Variants in KRT8 observed in about 807,000 individuals in gnomAD.
KRT8 encodes the protein keratin 8, also known as keratin, type II cytoskeletal 8.
Under a neutral mutation model 43.0 loss-of-function variants are expected in KRT8, and 24 were observed. The ratio of observed to expected loss-of-function variants is 0.56; its 90% CI spans 0.40 to 0.78. The LOEUF (loss-of-function observed/expected upper bound fraction) is 0.78. KRT8 is among the 30% of genes least tolerant of loss of function. The probability of loss-of-function intolerance (pLI) is 0.00; values close to 1 mark genes in which losing one functional copy is unlikely to be tolerated. For synonymous variants in KRT8, 214 were observed against 261.2 expected (o/e 0.82, Z 1.74); for missense variants, 492 against 638.4 (o/e 0.77, Z 2.47).
At chr12:52,910,540 G>A (rs1241541898), upstream of KRT8, among the ~76,000 whole-genome samples, 3 of 152,230 alleles carry the variant, frequency 2.0e-5, no homozygotes, top group African/African-American at 4.8e-5. Flanking sequence ...CAGAGACTGC[G>A]AGAGGACAGA....
chr12:52,915,344 A>C (rs1271820054), intron 2 of KRT8, among the ~76,000 whole-genome samples: 1 of 151,178 alleles, frequency 6.6e-6, no homozygotes, highest in Admixed American at 6.6e-5. Flanking sequence ...ACTGCACTCC[A>C]GCTTGGGCAA....
chr12:52,939,484 G>A (rs1490158136), intron 2 of KRT8, among the ~76,000 whole-genome samples: 1 of 151,550 alleles, frequency 6.6e-6, no homozygotes, highest in Non-Finnish European at 1.5e-5. Flanking sequence ...GCACTTTAAG[G>A]CTGAGGCAGG....
Position 52,935,378 on chromosome 12 carries a change from C to CAAAAAA in KRT8, c.-47+14072_-47+14077dup, listed in dbSNP as rs71092794. ...TGGGTGACAGAGCAAGACTCTGTCTCAAAAAAAAAAAAAAAAAAAAAAAAA... is the reference window on the plus strand; with the variant it reads ...TGGGTGACAGAGCAAGACTCTGTCTCAAAAAAAAAAAAAAAAAAAAAAAAAAAAAAA... On this transcript the variant is annotated intron_variant, in intron 2 of 6. Transcript: ENST00000546826. Among the ~76,000 whole-genome samples the CAAAAAA allele has an allele frequency of 8.8e-4, 21 of 23,746 alleles. 3 individuals carry two copies. The highest frequency in any genetic ancestry group is 5.4e-3 in the East Asian group (2 of 372). The allele number at this position is 23,746 out of a possible 152,430, so 15.6% of individuals were successfully genotyped here. A position where few individuals can be genotyped will look rare whatever the true frequency, so the allele number is the denominator to read the frequency against.
chr12:52,897,191 T>C (rs73296024), exon 8 of KRT8: 432 of 596,460 alleles, frequency 7.2e-4, no homozygotes, highest in African/African-American at 6.9e-3. Flanking sequence ...AGCAAGGACA[T>C]TGGCAGAGCT....
chr12:52,908,260 C>G (rs975513525), upstream of KRT8, among the ~76,000 whole-genome samples: 10 of 152,028 alleles, frequency 6.6e-5, no homozygotes, highest in African/African-American at 2.4e-4. Context: ...GAGTCTCGCT[C>G]TGTCACCCAG....
chr12:52,945,813 C>T lies in KRT8; in HGVS notation c.-47+3643G>A, dbSNP rs567589401. On this transcript the variant is annotated intron_variant, in intron 2 of 6. Coordinates refer to the KRT8 transcript ENST00000546826. ...TGTTCTGGGAGCTTCTCACCAGGGC[C>T]CCTCCTGCTCCACCCTTTCCCGGGA... Among the ~76,000 whole-genome samples, 3 of 152,100 alleles carry T rather than the reference C, an allele frequency of 2.0e-5. No homozygotes were observed. In the South Asian group the frequency reaches 6.2e-4, roughly 31 times the overall value.
At chr12:52,900,727 C>A in intron 3 of KRT8, 44 bp from the exon 4 acceptor site, 1 of 1,379,212 alleles carries the variant, frequency 7.3e-7, no homozygotes. Context: ...TTTCCACACC[C>A]AACCCCAACC....
chr12:52,902,619 AC>A (rs1373498766), intron 1 of KRT8, among the ~76,000 whole-genome samples: 1 of 152,014 alleles, frequency 6.6e-6, no homozygotes, highest in East Asian at 2.0e-4. Flanking sequence ...CGAACTCCTG[AC>A]CTTGTGATTG....
chr12:52,898,405 T>A lies in KRT8; in HGVS notation c.1261+56A>T. On this transcript the variant is annotated intron_variant, in intron 7 of 7. Coordinates refer to ENST00000692008, the Ensembl canonical transcript of KRT8. ...CTGAGCACAGCCCCCTCCCTGGAGCTGAGGCCTCCCTGGGCCCTGCCTCCC... is the reference window on the plus strand; with the variant it reads ...CTGAGCACAGCCCCCTCCCTGGAGCAGAGGCCTCCCTGGGCCCTGCCTCCC... 2.7e-6 allele frequency: 4 copies of A among 1,489,586 alleles called. No homozygotes were observed. In the South Asian group the frequency reaches 3.5e-5, roughly 13 times the overall value. The allele number at this position is 1,489,586 out of a possible 1,614,324, so 92.3% of individuals were successfully genotyped here.
At chr12:52,938,170 A>ATTTTT (rs780140219) in intron 2 of KRT8, among the ~76,000 whole-genome samples, 11 of 30,298 alleles carry the variant, frequency 3.6e-4, no homozygotes, top group African/African-American at 4.3e-4. Context: ...ATATATATAT[A>ATTTTT]TTTTTTTTTT....
chr12:52,899,545 A>G (rs992890131), intron 5 of KRT8, among the ~76,000 whole-genome samples: 16 of 152,014 alleles, frequency 1.1e-4, no homozygotes, highest in Non-Finnish European at 4.4e-5. Context: ...ACGAGCCCCA[A>G]CATACCTGCC....
At position 52,933,893 on chromosome 12, in the gene KRT8, A is replaced by G. The variant is rs77105522; in HGVS notation, c.-47+15563T>C. ...ACCCATCTCAGCCTCCCAAAGTGCT[A>G]GGATTTTAGGCGTGAGCCACCTCGC... On this transcript the variant is annotated intron_variant, in intron 2 of 6. Transcript: ENST00000546826. Among the ~76,000 whole-genome samples the G allele has an allele frequency of 9.2e-5, 14 of 151,424 alleles. No individual in the cohort carries two copies. The South Asian group carries it at 3.0e-3, about 32-fold the overall frequency.
exon 5 of KRT8, chr12:52,899,924 C>A: frequency 6.2e-7 from 1 of 1,613,278 alleles, no homozygotes; most frequent in Non-Finnish European, 8.5e-7. Context: ...ATGCTCTCAG[C>A]CTCAGCCCGG....
rs544486108 is a variant in KRT8, at chr12:52,915,103, G to T, written c.-46-10076C>A. On this transcript the variant is annotated intron_variant, in intron 2 of 6. Coordinates refer to the KRT8 transcript ENST00000546826. ...AAAAATGTGATTTGGGCCAGGCGCGGTGGCTCACGCCTGTAATCCCAGCTC... is the reference window on the plus strand; with the variant it reads ...AAAAATGTGATTTGGGCCAGGCGCGTTGGCTCACGCCTGTAATCCCAGCTC... Among the ~76,000 whole-genome samples, 6 of 152,320 alleles carry T rather than the reference G, an allele frequency of 3.9e-5. No individual in the cohort carries two copies. The East Asian group carries it at 1.2e-3, about 29-fold the overall frequency.
intron 2 of KRT8, among the ~76,000 whole-genome samples, chr12:52,916,716 C>T (rs1237967087): frequency 1.3e-5 from 2 of 152,186 alleles, no homozygotes; most frequent in African/African-American, 2.4e-5. Flanking sequence ...GGTAACAGCA[C>T]GATGAGGCTG....
chr12:52,933,776 G>T (rs780741343), intron 2 of KRT8, among the ~76,000 whole-genome samples: 1 of 151,442 alleles, frequency 6.6e-6, no homozygotes, highest in Non-Finnish European at 1.5e-5. Flanking sequence ...AGGTGCCCAC[G>T]ACCATGCCTG....
exon 6 of KRT8, chr12:52,898,883 G>T (rs746499655): frequency 6.2e-6 from 10 of 1,613,454 alleles, no homozygotes; most frequent in Non-Finnish European, 8.5e-6. Context: ...TGCAATGGCG[G>T]CCTCCAGGGA....
intron 5 of KRT8, 75 bp from the exon 6 acceptor site, chr12:52,898,974 G>C: frequency 7.4e-7 from 1 of 1,346,380 alleles, no homozygotes; most frequent in South Asian, 1.2e-5. Context: ...CCCTCCCTCA[G>C]GGTCCTCCCC....
At chr12:52,936,435 A>T (rs2120714278) in intron 2 of KRT8, among the ~76,000 whole-genome samples, 1 of 152,166 alleles carries the variant, frequency 6.6e-6, no homozygotes, top group South Asian at 2.1e-4. Flanking sequence ...TGTGCACACC[A>T]TCACACCAGA....
Sources: gnomAD v4.1 joint callset for allele counts (sites outside exome capture counted in the v4.1 genomes callset) on GRCh38, gnomAD v4.1.1 for gene constraint, MANE v1.5 for transcripts, NCBI Gene and HGNC (gene_info 2026-07-23, HGNC 2026-07-21) for gene names.